Variants in CDH18 observed in about 807,000 individuals in gnomAD.
CDH18 encodes cadherin-18.
Under a neutral mutation model 67.9 loss-of-function variants are expected in CDH18, and 31 were observed. The ratio of observed to expected loss-of-function variants is 0.46; its 90% CI spans 0.34 to 0.62. CDH18 has a LOEUF of 0.62. Among genes scored for constraint, CDH18 ranks in the 20% least tolerant of loss-of-function variants. CDH18 has a pLI of 0.01. For synonymous variants in CDH18, 362 were observed against 347.2 expected (o/e 1.04, Z -0.48); for missense variants, 890 against 975.5 (o/e 0.91, Z 1.17).
chr5:19,779,683 A>G (rs1354692284), intron 3 of CDH18, among the ~76,000 whole-genome samples: 1 of 152,160 alleles, frequency 6.6e-6, no homozygotes, highest in African/African-American at 2.4e-5. Flanking sequence ...CCAACATCCC[A>G]GTGGGTAAAA....
intron 2 of CDH18, chr5:20,255,414 A>G (rs1744158130): frequency 1.3e-5 from 2 of 152,158 alleles, no homozygotes; most frequent in Admixed American, 1.3e-4. Context: ...TTATAAATTA[A>G]TAATTTATAA....
rs139898402 is a variant in CDH18 at position 20,482,163 on chromosome 5, A to G, written c.-580+93299T>C. Reference sequence around the variant, plus strand: ...ATTAGAGACTGCTATGAACAGCTCTATGCCAACCAACTAAAAAATCTAGAA... The same window carrying G: ...ATTAGAGACTGCTATGAACAGCTCTGTGCCAACCAACTAAAAAATCTAGAA... On this transcript the variant is annotated intron_variant, in intron 1 of 14. Coordinates refer to the CDH18 transcript ENST00000507958. 7.5e-3 allele frequency among the ~76,000 whole-genome samples: 1,140 copies of G among 152,108 alleles called. 23 individuals carry two copies. Among genetic ancestry groups the G allele is most frequent in the South Asian group, 0.049 (236 of 4,832 alleles).
At chr5:19,901,826 C>G (rs1185094261) in intron 2 of CDH18, among the ~76,000 whole-genome samples, 1 of 151,658 alleles carries the variant, frequency 6.6e-6, no homozygotes, top group East Asian at 1.9e-4. Context: ...ACTTTTTTCA[C>G]TTATGATATA....
chr5:19,614,830 G>A (rs2150120116), intron 5 of CDH18, among the ~76,000 whole-genome samples: 1 of 152,228 alleles, frequency 6.6e-6, no homozygotes, highest in East Asian at 1.9e-4. Context: ...TTCTCTGAAA[G>A]GATTGTCTCG....
intron 2 of CDH18, among the ~76,000 whole-genome samples, chr5:19,996,894 G>A (rs1010820024): frequency 6.6e-6 from 1 of 151,732 alleles, no homozygotes; most frequent in African/African-American, 2.4e-5. Context: ...ATACATACAT[G>A]AATATATGTA....
chr5:19,818,242 A>T (rs1779497792), intron 3 of CDH18, among the ~76,000 whole-genome samples: 1 of 152,200 alleles, frequency 6.6e-6, no homozygotes, highest in Non-Finnish European at 1.5e-5. Context: ...CAGGAAGTAA[A>T]TGGATGAGTT....
intron 12 of CDH18, among the ~76,000 whole-genome samples, chr5:19,475,739 A>T (rs1418109764): frequency 6.6e-6 from 1 of 151,962 alleles, no homozygotes; most frequent in Admixed American, 6.6e-5. Flanking sequence ...TTTCTTATTT[A>T]TCTGAAATTC....
At chr5:19,491,850 C>T (rs1741522381) in intron 11 of CDH18, among the ~76,000 whole-genome samples, 1 of 151,490 alleles carries the variant, frequency 6.6e-6, no homozygotes, top group South Asian at 2.1e-4. Context: ...CTTCAGAATG[C>T]CACCAACAAA....
chr5:19,561,288 GA>G (rs1017104712), intron 8 of CDH18, among the ~76,000 whole-genome samples: 4 of 152,024 alleles, frequency 2.6e-5, no homozygotes, highest in Admixed American at 6.6e-5. Context: ...TAGGGATAAA[GA>G]AAATGTGGTA....
intron 1 of CDH18, among the ~76,000 whole-genome samples, chr5:20,262,358 C>A (rs960419720): frequency 6.6e-6 from 1 of 152,134 alleles, no homozygotes; most frequent in East Asian, 1.9e-4. Context: ...TATGTTTTCA[C>A]AATGTTGGAA....
At chr5:19,758,918 T>C (rs1771982629) in intron 3 of CDH18, among the ~76,000 whole-genome samples, 1 of 152,228 alleles carries the variant, frequency 6.6e-6, no homozygotes. Flanking sequence ...TGTGATATCT[T>C]GCAGAAGCGA....
intron 6 of CDH18, 81 bp downstream of exon 6, chr5:19,612,353 A>G: frequency 7.3e-7 from 1 of 1,370,556 alleles, no homozygotes; most frequent in Non-Finnish European, 1.0e-6. Context: ...GAAAACAGTA[A>G]CATAACACTG....
intron 1 of CDH18, among the ~76,000 whole-genome samples, chr5:20,462,032 AAAAT>A (rs1262919358): frequency 6.6e-6 from 1 of 152,200 alleles, no homozygotes; most frequent in Non-Finnish European, 1.5e-5. Context: ...TATCCAAAGG[AAAAT>A]AAATTAGCCT....
In CDH18 at chr5:20,432,192, C is replaced by CAGAT. The variant is rs562312300; in HGVS notation, c.-580+143269_-580+143270insATCT. Among the ~76,000 whole-genome samples, 8 of 152,162 alleles carry CAGAT rather than the reference C, an allele frequency of 5.3e-5. No individual in the cohort carries two copies. The South Asian group carries it at 1.5e-3, about 28-fold the overall frequency. On this transcript the variant is annotated intron_variant, in intron 1 of 14. Transcript: ENST00000507958. ...ACTGAATCAGTGAAAAAAAATTAAA[C>CAGAT]GGATAGTTATAGAGGCAATTAGATA...
intron 8 of CDH18, among the ~76,000 whole-genome samples, chr5:19,568,945 A>G (rs1287625496): frequency 6.6e-6 from 1 of 152,192 alleles, no homozygotes; most frequent in Non-Finnish European, 1.5e-5. Context: ...TCACAGTCCT[A>G]TGTGGGAAGG....
At chr5:19,704,585 C>T (rs192456219) in intron 5 of CDH18, among the ~76,000 whole-genome samples, 4 of 152,152 alleles carry the variant, frequency 2.6e-5, no homozygotes, top group Admixed American at 2.0e-4. Context: ...ACAAAGTTCC[C>T]GCCAAAGTTT....
chr5:19,556,515 A>G (rs1304100931), intron 8 of CDH18, among the ~76,000 whole-genome samples: 2 of 152,138 alleles, frequency 1.3e-5, no homozygotes, highest in Non-Finnish European at 2.9e-5. Context: ...GAACAAATAG[A>G]AGAAAAAACT....
chr5:19,924,079 A>T lies in CDH18; in HGVS notation c.-257+56981T>A, dbSNP rs544345654. Among the ~76,000 whole-genome samples, 10 of 152,360 alleles carry T rather than the reference A, an allele frequency of 6.6e-5. No individual in the cohort carries two copies. The East Asian group carries it at 1.9e-3, about 29-fold the overall frequency. ...TTTTATTGCATGGAATATAACCCAT[A>T]CAATGAGTAAAGCTATAAATATCAT... On this transcript the variant is annotated intron_variant, in intron 2 of 12. Transcript: ENST00000382275.
chr5:20,366,860 C>T (rs904718697), intron 1 of CDH18, among the ~76,000 whole-genome samples: 12 of 152,140 alleles, frequency 7.9e-5, no homozygotes, highest in South Asian at 4.1e-4. Flanking sequence ...GCTCCTCCTT[C>T]CCCCGGGATG....
Sources: allele counts gnomAD v4.1 joint callset (sites outside exome capture counted in the v4.1 genomes callset), GRCh38; gene constraint gnomAD v4.1.1; transcripts MANE v1.5; gene names NCBI Gene and HGNC (gene_info 2026-07-23, HGNC 2026-07-21).